NSF: variants seen among roughly 807,000 people sequenced by gnomAD.
The protein encoded by NSF is N-ethylmaleimide sensitive factor, vesicle fusing ATPase, also known as vesicle-fusing ATPase.
NSF carries 14 observed loss-of-function variants against 50.3 expected under a neutral mutation model. The ratio of observed to expected loss-of-function variants is 0.28; its 90% CI spans 0.18 to 0.44. The LOEUF (loss-of-function observed/expected upper bound fraction) is 0.44. NSF is among the 20% of genes least tolerant of loss of function. The pLI is 1.00. For missense variants in NSF, 218 were observed against 504.3 expected (o/e 0.43, Z 5.44); for synonymous variants, 109 against 175.7 (o/e 0.62, Z 3.00).
At chr17:46,730,874 T>C (rs1415196351) in intron 17 of NSF, among the ~76,000 whole-genome samples, 1 of 152,162 alleles carries the variant, frequency 6.6e-6, no homozygotes, top group East Asian at 1.9e-4. Flanking sequence ...ACTCATTGCA[T>C]ACCTGCTAGA....
At chr17:46,749,233 T>A (rs989906297) in intron 17 of NSF, among the ~76,000 whole-genome samples, 6 of 152,122 alleles carry the variant, frequency 3.9e-5, no homozygotes, top group Admixed American at 1.3e-4. Context: ...AAACTTTTTT[T>A]AAAAAAATAT....
Position 46,749,834 on chromosome 17 carries a change from T to C in NSF, c.1970T>C (p.Met657Thr), listed in dbSNP as rs1315242198. 6.2e-7 allele frequency: 1 copy of C among 1,614,170 alleles called. No homozygotes were observed. Among genetic ancestry groups the C allele is most frequent in the East Asian group, 2.2e-5 (1 of 44,888 alleles). The change falls in exon 18 of 21, where the codon ATG becomes ACG. Residue 657 changes from methionine (M) to threonine (T), a missense_variant. Met to Thr is a moderately conservative substitution (Grantham distance 81). Transcript: ENST00000398238. ...AAAGATGTCCTTCAGGAGATGGAAA[T>C]GCTTAACGCTTTCAGCACCACCATC... ...SRKDVLQEME[M>T]LNAFSTTIHV... is the part of the protein sequence containing the mutation.
chr17:46,755,478 G>A, intron 20 of NSF, 109 bp downstream of exon 20: 2 of 985,280 alleles, frequency 2.0e-6, no homozygotes, highest in Non-Finnish European at 1.6e-6. Flanking sequence ...CCATTTATTT[G>A]AATTCTTCGC....
intron 20 of NSF, 30 bp from the exon 21 acceptor site, chr17:46,755,772 T>A: frequency 6.2e-7 from 1 of 1,602,358 alleles, no homozygotes; most frequent in Non-Finnish European, 8.5e-7. Context: ...CCCTCATCTG[T>A]TTTTTTGTGT....
In NSF at chr17:46,749,842, G is replaced by A. The variant is rs769671693; in HGVS notation, c.1978G>A (p.Ala660Thr). The A allele has an allele frequency of 8.7e-6, 14 of 1,614,008 alleles. No homozygotes were observed. Among genetic ancestry groups the A allele is most frequent in the African/African-American group, 1.3e-5 (1 of 74,914 alleles). Residue 660 changes from alanine (A) to threonine (T), a missense_variant, in exon 18 of 21, where the codon GCT becomes ACT. By Grantham distance (58) the Ala-to-Thr change is moderately conservative. This residue lies in a region of NSF where 209 missense variants were observed against 320.9 expected (regional missense o/e 0.65). Transcript: ENST00000398238. ...CCTTCAGGAGATGGAAATGCTTAAC[G>A]CTTTCAGCACCACCATCCACGTGCC... ...DVLQEMEMLN[A>T]FSTTIHVPNI...
chr17:46,638,656 C>G (rs890077775), intron 5 of NSF, among the ~76,000 whole-genome samples: 1 of 140,702 alleles, frequency 7.1e-6, no homozygotes, highest in African/African-American at 2.8e-5. Context: ...AGATTACAGG[C>G]ATGAGCCACC....
Position 46,715,739 on chromosome 17 carries a change from AT to A in NSF, c.1761+1757del, listed in dbSNP as rs565802129. On this transcript the variant is annotated intron_variant, in intron 15 of 20. Coordinates refer to ENST00000398238, the MANE Select transcript of NSF (RefSeq NM_006178.4). ...TGAAGGGGGAAGGTAATATGTGCTG[AT>A]TTTAGAGGCTTAAATGGTTAAATTA... Among the ~76,000 whole-genome samples the A allele has an allele frequency of 4.6e-5, 7 of 152,340 alleles. No individual in the cohort carries two copies. In the South Asian group the frequency reaches 1.4e-3, roughly 32 times the overall value.
rs1242266777 is a variant in NSF, at chr17:46,725,574, T to C, written c.1762-975T>C. ...AAAAACCAAGTATACACAGGTTGTT[T>C]TTAAACCTAACATGAAAAATGGTTA... On this transcript the variant is annotated intron_variant, in intron 15 of 20. Coordinates refer to ENST00000398238, the MANE Select transcript of NSF (RefSeq NM_006178.4). 3.3e-5 allele frequency among the ~76,000 whole-genome samples: 5 copies of C among 152,186 alleles called. No homozygotes were observed. In the East Asian group the frequency reaches 9.6e-4, roughly 29 times the overall value.
At chr17:46,751,122 A>C (rs765609904) in intron 18 of NSF, among the ~76,000 whole-genome samples, 2 of 152,214 alleles carry the variant, frequency 1.3e-5, no homozygotes, top group South Asian at 4.1e-4. Context: ...CAGGTTACCC[A>C]TGTAGACAGC....
chr17:46,657,974 T>TTA (rs1555631553), intron 8 of NSF, among the ~76,000 whole-genome samples: 2 of 13,454 alleles, frequency 1.5e-4, no homozygotes, highest in South Asian at 2.9e-3. Flanking sequence ...TTATTTATTT[T>TTA]TTTTTTTTTT....
At chr17:46,734,647 A>C (rs2058982611) in intron 17 of NSF, among the ~76,000 whole-genome samples, 1 of 152,232 alleles carries the variant, frequency 6.6e-6, no homozygotes, top group Admixed American at 6.5e-5. Flanking sequence ...ATAGTGATCA[A>C]CTAAGATAAT....
chr17:46,709,067 C>T (rs2058691615), intron 13 of NSF, among the ~76,000 whole-genome samples: 1 of 151,886 alleles, frequency 6.6e-6, no homozygotes, highest in Non-Finnish European at 1.5e-5. Context: ...TCGTGATCCA[C>T]CCACCTTGGC....
At chr17:46,713,539 T>C (rs535773860) in intron 14 of NSF, among the ~76,000 whole-genome samples, 2 of 152,376 alleles carry the variant, frequency 1.3e-5, no homozygotes, top group African/African-American at 4.8e-5. Flanking sequence ...AGTACTAATA[T>C]GCATTTGAAT....
rs1026047786 is a variant in NSF, at chr17:46,744,450, A to G, written c.1909-5323A>G. 6.6e-5 allele frequency among the ~76,000 whole-genome samples: 10 copies of G among 152,176 alleles called. 1 individual carries two copies. Among genetic ancestry groups the G allele is most frequent in the South Asian group, 4.1e-4 (2 of 4,836 alleles). On this transcript the variant is annotated intron_variant, in intron 17 of 20. Coordinates refer to ENST00000398238, the MANE Select transcript of NSF (RefSeq NM_006178.4). Reference sequence around the variant, plus strand: ...TTCTTAATCCATTTCAGGGTTTTCAATTGTTCACAGTTAATTCTTCTTACC... The same window carrying G: ...TTCTTAATCCATTTCAGGGTTTTCAGTTGTTCACAGTTAATTCTTCTTACC...
At chr17:46,723,159 G>A (rs1045874404) in intron 15 of NSF, among the ~76,000 whole-genome samples, 1 of 152,142 alleles carries the variant, frequency 6.6e-6, no homozygotes, top group Admixed American at 6.5e-5. Context: ...GGTCCTTGCA[G>A]CCATATAAGC....
intron 15 of NSF, among the ~76,000 whole-genome samples, chr17:46,717,087 C>T (rs1469879217): frequency 6.6e-6 from 1 of 152,066 alleles, no homozygotes; most frequent in Non-Finnish European, 1.5e-5. Context: ...ATGGAATCAA[C>T]CTGAATGTCC....
chr17:46,684,342 C>T, intron 9 of NSF, among the ~76,000 whole-genome samples: 1 of 144,350 alleles, frequency 6.9e-6, no homozygotes, highest in Non-Finnish European at 1.5e-5. Flanking sequence ...TTCCATGTGC[C>T]ACGTTTTCTT....
intron 10 of NSF, among the ~76,000 whole-genome samples, chr17:46,693,511 T>TG (rs1218734318): frequency 1.3e-5 from 2 of 149,190 alleles, no homozygotes; most frequent in Admixed American, 6.7e-5. Flanking sequence ...AGATGACTTC[T>TG]GGGGGAAAAA....
intron 9 of NSF, among the ~76,000 whole-genome samples, chr17:46,690,452 C>CA (rs1223372229): frequency 2.6e-4 from 5 of 18,918 alleles, no homozygotes; most frequent in African/African-American, 9.3e-4. Flanking sequence ...AAAAAAAATA[C>CA]AAAAAAAAAA....
Sources: gnomAD v4.1 joint callset for allele counts (sites outside exome capture counted in the v4.1 genomes callset) on GRCh38, gnomAD v4.1.1 for gene constraint, gnomAD v4.1.1 regional missense constraint, MANE v1.5 for transcripts, NCBI Gene and HGNC (gene_info 2026-07-23, HGNC 2026-07-21) for gene names.